Variants in TFEC observed in about 807,000 individuals in gnomAD.
TFEC encodes class E basic helix-loop-helix protein 34.
Under a neutral mutation model 41.6 loss-of-function variants are expected in TFEC, and 31 were observed. The observed-to-expected ratio is 0.74, with a 90% confidence interval of 0.56 to 1.01. The LOEUF (loss-of-function observed/expected upper bound fraction) is 1.01. Ranked by LOEUF, TFEC falls within the 50% of genes least tolerant of loss-of-function variation. The probability of loss-of-function intolerance (pLI) is 0.00; values close to 1 mark genes in which losing one functional copy is unlikely to be tolerated. For missense variants in TFEC, 402 were observed against 404.1 expected (o/e 0.99, Z 0.04); for synonymous variants, 143 against 140.6 (o/e 1.02, Z -0.12).
rs1798042886 is a variant in TFEC, at chr7:116,118,588, A to C, written c.-68-6550T>G. Among the ~76,000 whole-genome samples the C allele has an allele frequency of 2.6e-5, 4 of 151,778 alleles. No individual in the cohort carries two copies. The South Asian group carries it at 8.3e-4, about 31-fold the overall frequency. ...CTGCACCTACACACAATTGTTCAGG[A>C]CACTCTCACTATTTTGAATGTAATA... On this transcript the variant is annotated intron_variant, in intron 1 of 8. Coordinates refer to the TFEC transcript ENST00000484212.
At chr7:116,142,876 A>G (rs2116402883) in intron 1 of TFEC, among the ~76,000 whole-genome samples, 1 of 152,280 alleles carries the variant, frequency 6.6e-6, no homozygotes, top group South Asian at 2.1e-4. Context: ...AAAAGTCCTA[A>G]CTATCAATAA....
chr7:116,066,892 G>A (rs191354255), intron 3 of TFEC, among the ~76,000 whole-genome samples: 7 of 152,062 alleles, frequency 4.6e-5, no homozygotes, highest in African/African-American at 1.7e-4. Flanking sequence ...TAAAGTCAAA[G>A]TACAGTTTAT....
intron 1 of TFEC, among the ~76,000 whole-genome samples, chr7:116,134,242 G>A (rs1208629533): frequency 1.3e-5 from 2 of 152,106 alleles, no homozygotes; most frequent in Non-Finnish European, 2.9e-5. Flanking sequence ...TTAAATAGTT[G>A]AAAAGCTGTG....
chr7:116,044,918 C>T lies in TFEC; in HGVS notation c.199-60405G>A, dbSNP rs548054978. 3.3e-5 allele frequency among the ~76,000 whole-genome samples: 5 copies of T among 152,330 alleles called. No individual in the cohort carries two copies. The East Asian group carries it at 5.8e-4, about 18-fold the overall frequency. ...TTAGAAGAGGGACGAAATTAGATTT[C>T]ACCAGTTACGTAAGGAATGATGTGG... On this transcript the variant is annotated intron_variant, in intron 3 of 8. Transcript: ENST00000484212.
intron 3 of TFEC, among the ~76,000 whole-genome samples, chr7:116,062,953 A>C (rs374039168): frequency 6.6e-6 from 1 of 152,194 alleles, no homozygotes; most frequent in East Asian, 1.9e-4. Context: ...GTATTTATTT[A>C]AGAGAAATAG....
At chr7:116,035,010 C>G (rs1448548780), upstream of TFEC, among the ~76,000 whole-genome samples, 2 of 151,496 alleles carry the variant, frequency 1.3e-5, no homozygotes, top group Non-Finnish European at 2.9e-5. Context: ...TTCCATAGAC[C>G]CCATGACCTA....
intron 1 of TFEC, among the ~76,000 whole-genome samples, chr7:115,999,738 G>A (rs28844391): frequency 6.8e-4 from 103 of 151,218 alleles, no homozygotes; most frequent in Middle Eastern, 3.4e-3. Flanking sequence ...TAGGAGAAAT[G>A]GACAAATTCC....
intron 3 of TFEC, among the ~76,000 whole-genome samples, chr7:116,041,468 A>G (rs753833370): frequency 2.0e-5 from 3 of 152,176 alleles, no homozygotes; most frequent in Non-Finnish European, 4.4e-5. Flanking sequence ...AAAAAACAAA[A>G]CAAAAAACAG....
intron 1 of TFEC, among the ~76,000 whole-genome samples, chr7:115,991,804 A>G (rs745375865): frequency 3.3e-5 from 5 of 152,206 alleles, no homozygotes; most frequent in Non-Finnish European, 7.3e-5. Flanking sequence ...TCAACAAGAC[A>G]GAAAGTTAAC....
chr7:116,131,309 A>C (rs951571204), intron 1 of TFEC, among the ~76,000 whole-genome samples: 2 of 152,188 alleles, frequency 1.3e-5, no homozygotes, highest in African/African-American at 4.8e-5. Flanking sequence ...TGTGCCTTTG[A>C]ACAGGGCACA....
At chr7:116,004,002 T>C (rs1794695853) in intron 1 of TFEC, among the ~76,000 whole-genome samples, 1 of 152,092 alleles carries the variant, frequency 6.6e-6, no homozygotes, top group South Asian at 2.1e-4. Flanking sequence ...AGAGAAAAAT[T>C]AATGGCATTT....
rs1005358462 is a variant in TFEC, at chr7:115,946,865, T to C, written c.515+4009A>G. Reference sequence around the variant, plus strand: ...AGTATCACTTTATCAAACATGATCATTTCCGGATAATGAATAATATCCAGT... The same window carrying C: ...AGTATCACTTTATCAAACATGATCACTTCCGGATAATGAATAATATCCAGT... On this transcript the variant is annotated intron_variant, in intron 6 of 7. Transcript: ENST00000265440. Among the ~76,000 whole-genome samples, 8 of 151,444 alleles carry C rather than the reference T, an allele frequency of 5.3e-5. 1 individual carries two copies. The highest frequency in any genetic ancestry group is 3.4e-3 in the Middle Eastern group (1 of 294).
chr7:115,997,183 G>T (rs990718499), intron 1 of TFEC, among the ~76,000 whole-genome samples: 1 of 152,198 alleles, frequency 6.6e-6, no homozygotes, highest in Non-Finnish European at 1.5e-5. Context: ...CATTGGAGGT[G>T]GCCAGAGGGG....
chr7:115,959,908 G>A (rs111853861), intron 3 of TFEC, among the ~76,000 whole-genome samples: 1 of 151,378 alleles, frequency 6.6e-6, no homozygotes, highest in Non-Finnish European at 1.5e-5. Context: ...TTCGAAAAGA[G>A]AGAAAAATAA....
In TFEC at chr7:116,041,662, C is replaced by T. The variant is rs144595433; in HGVS notation, c.199-57149G>A. ...TCTCTTCTCCTGTGTATAGATCTTG[C>T]TAATCACGTAGAAAACTCTACTTCA... On this transcript the variant is annotated intron_variant, in intron 3 of 8. Coordinates refer to the TFEC transcript ENST00000484212. Among the ~76,000 whole-genome samples, 13 of 152,246 alleles carry T rather than the reference C, an allele frequency of 8.5e-5. No homozygotes were observed. In the East Asian group the frequency reaches 2.5e-3, roughly 29 times the overall value.
intron 1 of TFEC, among the ~76,000 whole-genome samples, chr7:116,140,461 T>A (rs1032715511): frequency 6.6e-6 from 1 of 152,212 alleles, no homozygotes; most frequent in Admixed American, 6.5e-5. Flanking sequence ...TACCTCAGCA[T>A]CCTTGAGAGA....
rs568402744 is a variant in TFEC, at chr7:116,074,993, C to T, written c.198+35715G>A. ...ACATCCTATGGCTAAATCTCGAAAA[C>T]GTTATGCTTATTCAAAGACACTACT... On this transcript the variant is annotated intron_variant, in intron 3 of 8. Transcript: ENST00000484212. Among the ~76,000 whole-genome samples, 87 of 152,150 alleles carry T rather than the reference C, an allele frequency of 5.7e-4. 1 individual carries two copies. Among genetic ancestry groups the T allele is most frequent in the African/African-American group, 2.0e-3 (84 of 41,520 alleles).
intron 3 of TFEC, among the ~76,000 whole-genome samples, chr7:116,104,565 G>A (rs1450516597): frequency 1.3e-5 from 2 of 152,022 alleles, no homozygotes; most frequent in African/African-American, 4.8e-5. Context: ...GGAACTCTGG[G>A]GGAAAATGTT....
chr7:116,135,528 A>G (rs1373486321), intron 1 of TFEC, among the ~76,000 whole-genome samples: 1 of 152,184 alleles, frequency 6.6e-6, no homozygotes, highest in Non-Finnish European at 1.5e-5. Flanking sequence ...TTGTAGCTTC[A>G]GCAGCCATGA....
Sources: allele counts gnomAD v4.1 joint callset (sites outside exome capture counted in the v4.1 genomes callset), GRCh38; gene constraint gnomAD v4.1.1; transcripts MANE v1.5; gene names NCBI Gene and HGNC (gene_info 2026-07-23, HGNC 2026-07-21).